Variants in HERC3 observed in about 807,000 individuals in gnomAD.
HERC3 encodes HECT and RLD domain containing E3 ubiquitin protein ligase 3, also known as probable E3 ubiquitin-protein ligase HERC3.
HERC3 carries 58 observed loss-of-function variants against 129.9 expected under a neutral mutation model. That is an observed-to-expected ratio of 0.45 (90% CI 0.36 to 0.56). HERC3 has a LOEUF of 0.56. Ranked by LOEUF, HERC3 falls within the 20% of genes least tolerant of loss-of-function variation. The pLI is 0.00. For missense variants in HERC3, 835 were observed against 1,244.2 expected (o/e 0.67, Z 4.95); for synonymous variants, 430 against 451.0 (o/e 0.95, Z 0.59).
the HERC3 span, among the ~76,000 whole-genome samples, chr4:88,580,215 G>T: frequency 6.6e-6 from 1 of 152,168 alleles, no homozygotes; most frequent in Non-Finnish European, 1.5e-5. Flanking sequence ...TCTGAACCTG[G>T]ATTATGAAGG....
At chr4:88,628,939 C>T (rs569955651) in intron 3 of HERC3, among the ~76,000 whole-genome samples, 13 of 152,014 alleles carry the variant, frequency 8.6e-5, no homozygotes, top group Non-Finnish European at 1.9e-4. Flanking sequence ...CTTGGGAGGC[C>T]GAGGCGGTTG....
Position 88,697,279 on chromosome 4 carries a change from G to GCCT in HERC3, c.2658-6805_2658-6803dup, listed in dbSNP as rs751115157. ...GGCCCCCGCGGCAGCCTCTGCCGCA[G>GCCT]CCTCCTCCTCCTCCTCGTCTTCCCC... On this transcript the variant is annotated intron_variant, in intron 23 of 25. Transcript: ENST00000402738. The GCCT allele has an allele frequency of 7.2e-5, 115 of 1,594,232 alleles. No individual in the cohort carries two copies. The South Asian group carries it at 8.2e-4, about 11-fold the overall frequency.
chr4:88,570,442 A>T, the HERC3 span, among the ~76,000 whole-genome samples: 1 of 152,316 alleles, frequency 6.6e-6, no homozygotes, highest in Non-Finnish European at 1.5e-5. Context: ...TTATTACATT[A>T]AAAAATCAAT....
the HERC3 span, among the ~76,000 whole-genome samples, chr4:88,559,595 C>T: frequency 6.6e-6 from 1 of 152,198 alleles, no homozygotes; most frequent in African/African-American, 2.4e-5. Flanking sequence ...GTCTCATCCA[C>T]GTTTTAACAA....
chr4:88,697,843 G>A (rs772592671), intron 23 of HERC3: 306 of 1,493,338 alleles, frequency 2.0e-4, no homozygotes, highest in Non-Finnish European at 2.6e-4. Flanking sequence ...GATGCGGCAA[G>A]TGGCGGTGAC....
chr4:88,539,464 C>T, the HERC3 span, among the ~76,000 whole-genome samples: 20 of 152,242 alleles, frequency 1.3e-4, no homozygotes, highest in Non-Finnish European at 2.8e-4. Context: ...AGGCCTACCA[C>T]CTCTATAGAC....
intron 11 of HERC3, among the ~76,000 whole-genome samples, chr4:88,663,943 T>C (rs1295257375): frequency 6.6e-6 from 1 of 152,172 alleles, no homozygotes; most frequent in Non-Finnish European, 1.5e-5. Context: ...TTCTTTTTTT[T>C]CCCCTAACAT....
chr4:88,650,724 T>C (rs1328725308), intron 4 of HERC3, among the ~76,000 whole-genome samples: 1 of 152,224 alleles, frequency 6.6e-6, no homozygotes, highest in East Asian at 1.9e-4. Context: ...TTCTTTGTAA[T>C]TGTTTATTTA....
chr4:88,589,929 G>C (rs903753389), upstream of HERC3, among the ~76,000 whole-genome samples: 1 of 152,164 alleles, frequency 6.6e-6, no homozygotes, highest in African/African-American at 2.4e-5. Flanking sequence ...CTAGGCTTGA[G>C]TCTTTGATAA....
chr4:88,555,949 A>C, the HERC3 span, among the ~76,000 whole-genome samples: 1 of 152,204 alleles, frequency 6.6e-6, no homozygotes, highest in South Asian at 2.1e-4. Flanking sequence ...TTAGATATAT[A>C]ATAGGCATGG....
At position 88,707,060 on chromosome 4, in the gene HERC3, A is replaced by G. The variant is rs895944231; in HGVS notation, c.*100A>G. The G allele has an allele frequency of 9.6e-6, 9 of 942,224 alleles. No individual in the cohort carries two copies. The highest frequency in any genetic ancestry group is 1.3e-5 in the Non-Finnish European group (8 of 610,422). 58.4% of individuals were successfully genotyped at this position (942,224 alleles called of 1,614,324 possible). ...AGTGATTTCTATTTTTTTATTGTCTAAGTGGGTTGGGACTTTTAAATACTG... is the reference window on the plus strand; with the variant it reads ...AGTGATTTCTATTTTTTTATTGTCTGAGTGGGTTGGGACTTTTAAATACTG... On this transcript the variant is annotated 3_prime_UTR_variant, in exon 26 of 26. Coordinates refer to ENST00000402738, the MANE Select transcript of HERC3 (RefSeq NM_014606.3).
At chr4:88,562,363 A>G in the HERC3 span, among the ~76,000 whole-genome samples, 61,322 of 151,912 alleles carry the variant, frequency 0.4, 14,751 homozygotes, top group African/African-American at 0.68. Context: ...TTTTTTTCCT[A>G]TAGAGTTGTT....
At chr4:88,683,802 G>A (rs1342446533) in intron 21 of HERC3, among the ~76,000 whole-genome samples, 1 of 152,136 alleles carries the variant, frequency 6.6e-6, no homozygotes, top group Non-Finnish European at 1.5e-5. Context: ...TACCAAGCTT[G>A]TCTAACCCTC....
intron 24 of HERC3, 56 bp from the exon 25 acceptor site, chr4:88,704,452 G>A (rs1277499862): frequency 8.5e-6 from 11 of 1,287,328 alleles, no homozygotes; most frequent in African/African-American, 3.0e-5. Flanking sequence ...GATATATAAT[G>A]TCCACTATAA....
intron 16 of HERC3, among the ~76,000 whole-genome samples, chr4:88,671,482 A>G (rs1475798618): frequency 6.6e-6 from 1 of 152,174 alleles, no homozygotes. Context: ...AATGCATACA[A>G]TGTTTTATTT....
chr4:88,596,806 C>T (rs1210341914), intron 2 of HERC3, among the ~76,000 whole-genome samples: 1 of 152,206 alleles, frequency 6.6e-6, no homozygotes, highest in Non-Finnish European at 1.5e-5. Flanking sequence ...TTCCTACTGC[C>T]TCCACAATCA....
At chr4:88,650,173 T>C (rs1342163862) in intron 4 of HERC3, among the ~76,000 whole-genome samples, 174 bp downstream of exon 4, 1 of 152,252 alleles carries the variant, frequency 6.6e-6, no homozygotes, top group Non-Finnish European at 1.5e-5. Context: ...TATAGAAGTG[T>C]CTGTCTCTGT....
intron 3 of HERC3, among the ~76,000 whole-genome samples, chr4:88,634,561 C>T (rs969695822): frequency 8.5e-5 from 13 of 152,306 alleles, no homozygotes; most frequent in South Asian, 2.1e-4. Context: ...TTTCCTCCTG[C>T]GAGCACTGAC....
At chr4:88,571,481 T>C in the HERC3 span, among the ~76,000 whole-genome samples, 2 of 152,228 alleles carry the variant, frequency 1.3e-5, no homozygotes, top group Non-Finnish European at 2.9e-5. Context: ...CAAAGGTTTC[T>C]TCTGAACTCT....
Sources: allele counts gnomAD v4.1 joint callset (sites outside exome capture counted in the v4.1 genomes callset), GRCh38; gene constraint gnomAD v4.1.1; transcripts MANE v1.5; gene names NCBI Gene and HGNC (gene_info 2026-07-23, HGNC 2026-07-21).